Variants in SHLD2 observed in about 807,000 individuals in gnomAD.
SHLD2 encodes RINN1-REV7-interacting novel NHEJ regulator 2.
A neutral mutation model predicts 73.2 loss-of-function variants in SHLD2; 30 were observed. That is an observed-to-expected ratio of 0.41 (90% CI 0.31 to 0.56). SHLD2 has a LOEUF of 0.56. Among genes scored for constraint, SHLD2 ranks in the 20% least tolerant of loss-of-function variants. The pLI, the probability that SHLD2 is intolerant of heterozygous loss-of-function variation, is 0.28. For synonymous variants in SHLD2, 285 were observed against 370.1 expected, an observed-to-expected ratio of 0.77 and a Z score of 2.64; for missense variants, 745 against 1,055.9, an observed-to-expected ratio of 0.71 and a Z score of 4.08.
At chr10:87,105,440 G>A (rs954753466) in intron 2 of SHLD2, among the ~76,000 whole-genome samples, 9 of 152,220 alleles carry the variant, frequency 5.9e-5, no homozygotes, top group African/African-American at 2.2e-4. Context: ...TAGGCACAAG[G>A]TAGAGACGCT....
At position 87,187,132 on chromosome 10, in the gene SHLD2, G is replaced by T. The variant is rs11816168; in HGVS notation, c.2447G>T (p.Arg816Leu). Reference protein sequence around the residue: ...AIDGRHDVCIRVESKLIEKIL... With the variant: ...AIDGRHDVCILVESKLIEKIL... ...GATGGAAGACATGATGTTTGTATCC[G>T]TGTAGAATCAAAGCTGATAGAGAAG... is the stretch of plus-strand genomic sequence containing the variant. The change falls in exon 9 of 10, where the codon CGT becomes CTT. Residue 816 changes from arginine to leucine, a missense_variant. Physicochemically the swap from Arg to Leu is moderately radical, Grantham distance 102. Around this residue, in one of 5 missense-constraint regions of SHLD2, gnomAD observed 418 missense variants for 567.8 expected, o/e 0.74. Coordinates refer to ENST00000298786, the MANE Select transcript of SHLD2 (RefSeq NM_001330112.2). 6.2e-7 allele frequency: 1 copy of T among 1,613,524 alleles called. No individual in the cohort carries two copies. The highest frequency in any genetic ancestry group is 8.5e-7 in the Non-Finnish European group (1 of 1,179,562).
intron 4 of SHLD2, among the ~76,000 whole-genome samples, chr10:87,163,838 A>G (rs2134460078): frequency 1.3e-5 from 2 of 151,700 alleles, no homozygotes; most frequent in East Asian, 3.9e-4. Context: ...ACATACATAA[A>G]CATCTCCTAG....
intron 4 of SHLD2, among the ~76,000 whole-genome samples, chr10:87,163,205 C>A (rs991190549): frequency 3.3e-5 from 5 of 151,840 alleles, no homozygotes; most frequent in African/African-American, 9.7e-5. Flanking sequence ...AAAACATAAA[C>A]CCCCCAAAAC....
chr10:87,175,650 C>T (rs1241451330), intron 6 of SHLD2, among the ~76,000 whole-genome samples: 2 of 152,028 alleles, frequency 1.3e-5, no homozygotes, highest in African/African-American at 4.8e-5. Context: ...CATCACTGCT[C>T]TCCAGCCTGG....
chr10:87,109,456 C>T (rs1192669213), intron 2 of SHLD2, among the ~76,000 whole-genome samples: 1 of 152,048 alleles, frequency 6.6e-6, no homozygotes, highest in Non-Finnish European at 1.5e-5. Context: ...TTCTACCACA[C>T]CCAGCTAATT....
At chr10:87,137,157 C>G (rs1317752991) in intron 2 of SHLD2, among the ~76,000 whole-genome samples, 2 of 151,220 alleles carry the variant, frequency 1.3e-5, no homozygotes, top group Admixed American at 6.6e-5. Flanking sequence ...AGAAGAAGAC[C>G]CAGAGATGAT....
intron 2 of SHLD2, among the ~76,000 whole-genome samples, chr10:87,097,905 G>A (rs1226444722): frequency 6.6e-6 from 1 of 151,644 alleles, no homozygotes; most frequent in Non-Finnish European, 1.5e-5. Context: ...GATTACAGGC[G>A]CCCGCCACCA....
intron 2 of SHLD2, among the ~76,000 whole-genome samples, chr10:87,109,386 C>T (rs1245275235): frequency 1.3e-5 from 2 of 151,670 alleles, no homozygotes; most frequent in Admixed American, 6.6e-5. Flanking sequence ...GCAGCCTCTG[C>T]CTCCTAGATT....
chr10:87,135,552 GTA>G (rs1844741798), intron 2 of SHLD2, among the ~76,000 whole-genome samples: 1 of 151,992 alleles, frequency 6.6e-6, no homozygotes, highest in African/African-American at 2.4e-5. Flanking sequence ...GAGTGCAGTG[GTA>G]TGATGACAGC....
chr10:87,098,083 A>T (rs1271219833), intron 2 of SHLD2, among the ~76,000 whole-genome samples: 1 of 152,166 alleles, frequency 6.6e-6, no homozygotes, highest in Non-Finnish European at 1.5e-5. Flanking sequence ...AAAATTACAT[A>T]CAAGTTGTTA....
chr10:87,106,422 G>T (rs1009497126), intron 2 of SHLD2, among the ~76,000 whole-genome samples: 1 of 152,028 alleles, frequency 6.6e-6, no homozygotes, highest in Non-Finnish European at 1.5e-5. Context: ...TTTACAAAAG[G>T]GGGGGAACAT....
At chr10:87,172,001 T>G (rs1286812549) in intron 6 of SHLD2, among the ~76,000 whole-genome samples, 1 of 152,214 alleles carries the variant, frequency 6.6e-6, no homozygotes, top group Non-Finnish European at 1.5e-5. Flanking sequence ...GATTGCTCCA[T>G]GTTTAATGTG....
At chr10:87,097,298 C>T (rs1410031311) in intron 2 of SHLD2, among the ~76,000 whole-genome samples, 2 of 152,194 alleles carry the variant, frequency 1.3e-5, no homozygotes, top group African/African-American at 2.4e-5. Flanking sequence ...AGGTGGCTCA[C>T]GCCTGTAATC....
In SHLD2 at chr10:87,152,785, T is replaced by G. The variant is rs1846108846; in HGVS notation, c.1431T>G (p.Ile477Met). 6.2e-7 allele frequency: 1 copy of G among 1,611,696 alleles called. No homozygotes were observed. ...SKVPLATVTVIDQSETKKKVF... is the reference protein window; with the variant it reads ...SKVPLATVTVMDQSETKKKVF... The stretch of plus-strand genomic sequence containing the variant: ...TGCCTTTAGCAACAGTTACAGTAAT[T>G]GATCAATCAGAAACTAAGAAGAAGG... Residue 477 changes from isoleucine to methionine, a missense_variant, in exon 3 of 10, where the codon ATT becomes ATG. Around this residue, in one of 5 missense-constraint regions of SHLD2, gnomAD observed 418 missense variants for 567.8 expected, o/e 0.74. Transcript: ENST00000298786.
rs537059494 is a variant in SHLD2 at position 87,111,830 on chromosome 10, A to G, written c.-6+14841A>G. Among the ~76,000 whole-genome samples, 32 of 152,138 alleles carry G rather than the reference A, an allele frequency of 2.1e-4. No individual in the cohort carries two copies. The South Asian group carries it at 5.6e-3, about 27-fold the overall frequency. ...GACATCATTAAGAAAGTGAAAAGAC[A>G]ACCTACAGAACGGGATTAAATATTT... On this transcript the variant is annotated intron_variant, in intron 2 of 9. Coordinates refer to ENST00000298786, the MANE Select transcript of SHLD2 (RefSeq NM_001330112.2).
intron 9 of SHLD2, among the ~76,000 whole-genome samples, chr10:87,188,346 G>GT (rs1329964968): frequency 5.9e-5 from 9 of 151,986 alleles, no homozygotes; most frequent in East Asian, 1.9e-4. Context: ...GGATGGAGGG[G>GT]TTTTTTTTCT....
chr10:87,154,956 A>G (rs978194085), intron 3 of SHLD2, among the ~76,000 whole-genome samples: 6 of 152,006 alleles, frequency 3.9e-5, no homozygotes, highest in Non-Finnish European at 7.4e-5. Context: ...TTTTTTTGAG[A>G]CGGAGTCTGG....
chr10:87,168,406 G>A (rs138162781), intron 4 of SHLD2, among the ~76,000 whole-genome samples: 31 of 152,234 alleles, frequency 2.0e-4, no homozygotes, highest in Non-Finnish European at 4.0e-4. Flanking sequence ...AGACCAGCCT[G>A]AGCAAGGTGG....
At chr10:87,176,687 A>G (rs968230279) in intron 7 of SHLD2, among the ~76,000 whole-genome samples, 50 of 152,260 alleles carry the variant, frequency 3.3e-4, no homozygotes, top group African/African-American at 1.0e-3. Flanking sequence ...AAATGTTACT[A>G]GTTGGGTTAA....
Sources: gnomAD v4.1 joint callset for allele counts (sites outside exome capture counted in the v4.1 genomes callset) on GRCh38, gnomAD v4.1.1 for gene constraint, gnomAD v4.1.1 regional missense constraint, MANE v1.5 for transcripts, NCBI Gene and HGNC (gene_info 2026-07-23, HGNC 2026-07-21) for gene names.